FBXL17: variants seen among roughly 807,000 people sequenced by gnomAD.
FBXL17 encodes F-box/LRR-repeat protein 17.
In FBXL17, 22 loss-of-function variants were observed where a neutral mutation model predicts 66.2. The observed-to-expected ratio is 0.33, with a 90% confidence interval of 0.24 to 0.47. The LOEUF is 0.47. Among genes scored for constraint, FBXL17 ranks in the 20% least tolerant of loss-of-function variants. The probability of loss-of-function intolerance (pLI) is 1.00; values close to 1 mark genes in which losing one functional copy is unlikely to be tolerated. For missense variants in FBXL17, 878 were observed against 948.2 expected, an observed-to-expected ratio of 0.93 and a Z score of 0.97; for synonymous variants, 474 against 400.5, an observed-to-expected ratio of 1.18 and a Z score of -2.19.
chr5:108,292,648 A>T (rs990198406), intron 4 of FBXL17, among the ~76,000 whole-genome samples: 1 of 152,228 alleles, frequency 6.6e-6, no homozygotes, highest in Non-Finnish European at 1.5e-5. Context: ...AAGAAGACTT[A>T]AGCAATGCTC....
chr5:108,335,852 T>C (rs1248791085), intron 4 of FBXL17, among the ~76,000 whole-genome samples: 1 of 152,166 alleles, frequency 6.6e-6, no homozygotes, highest in Non-Finnish European at 1.5e-5. Flanking sequence ...TCTTATATAC[T>C]TGGACTAACT....
intron 6 of FBXL17, among the ~76,000 whole-genome samples, chr5:108,048,117 T>G (rs1429428722): frequency 1.3e-5 from 2 of 152,074 alleles, no homozygotes; most frequent in Non-Finnish European, 2.9e-5. Flanking sequence ...TGTTCTCCAG[T>G]CTCCTTGAGT....
chr5:107,932,640 T>C (rs1750771632), intron 7 of FBXL17, among the ~76,000 whole-genome samples: 1 of 152,286 alleles, frequency 6.6e-6, no homozygotes, highest in African/African-American at 2.4e-5. Context: ...TCCTTTAGCA[T>C]ACGGTGAAAA....
chr5:108,115,884 A>G (rs1330986867), intron 6 of FBXL17, among the ~76,000 whole-genome samples: 1 of 152,192 alleles, frequency 6.6e-6, no homozygotes, highest in Admixed American at 6.5e-5. Flanking sequence ...AAGCTGAGGC[A>G]GTCAAGGCTC....
chr5:108,251,044 C>T (rs1756327888), intron 4 of FBXL17, among the ~76,000 whole-genome samples: 1 of 151,958 alleles, frequency 6.6e-6, no homozygotes, highest in African/African-American at 2.4e-5. Context: ...AAAAATACTT[C>T]AACAAATATC....
At chr5:108,054,812 A>G (rs1747622124) in intron 6 of FBXL17, among the ~76,000 whole-genome samples, 1 of 152,154 alleles carries the variant, frequency 6.6e-6, no homozygotes, top group Non-Finnish European at 1.5e-5. Flanking sequence ...TATATGAAAC[A>G]AAAAGAAAAT....
At chr5:107,867,745 G>A (rs1211400246) in intron 8 of FBXL17, among the ~76,000 whole-genome samples, 1 of 152,206 alleles carries the variant, frequency 6.6e-6, no homozygotes, top group Non-Finnish European at 1.5e-5. Context: ...AAGTGGGAAT[G>A]TGAAGGTCTA....
intron 7 of FBXL17, among the ~76,000 whole-genome samples, chr5:107,907,890 T>C (rs1749818011): frequency 6.6e-6 from 1 of 152,140 alleles, no homozygotes; most frequent in African/African-American, 2.4e-5. Context: ...AGTGTGGTGA[T>C]TCCTCAGGGA....
chr5:108,314,716 T>C (rs1759278824), intron 4 of FBXL17, among the ~76,000 whole-genome samples: 1 of 151,562 alleles, frequency 6.6e-6, no homozygotes, highest in Admixed American at 6.6e-5. Context: ...TTATTTCATT[T>C]CATTATTTTA....
At chr5:108,113,595 C>G (rs567975971) in intron 6 of FBXL17, among the ~76,000 whole-genome samples, 1 of 152,166 alleles carries the variant, frequency 6.6e-6, no homozygotes, top group Admixed American at 6.5e-5. Flanking sequence ...CGATGGAGGA[C>G]AGCTACTGAA....
intron 4 of FBXL17, among the ~76,000 whole-genome samples, chr5:108,248,005 T>A (rs1014690577): frequency 1.3e-5 from 2 of 152,168 alleles, no homozygotes; most frequent in Non-Finnish European, 2.9e-5. Context: ...CATTGGTGTT[T>A]CCAGGTTATC....
chr5:108,181,531 A>C (rs1753003177), intron 6 of FBXL17, among the ~76,000 whole-genome samples: 1 of 152,206 alleles, frequency 6.6e-6, no homozygotes, highest in South Asian at 2.1e-4. Flanking sequence ...ACCATAAAGT[A>C]TAACAGTAAA....
At chr5:108,116,525 G>A (rs1461410536) in intron 6 of FBXL17, among the ~76,000 whole-genome samples, 3 of 151,484 alleles carry the variant, frequency 2.0e-5, no homozygotes, top group Non-Finnish European at 4.4e-5. Context: ...GCATGTGCCT[G>A]TAGTCCCAGC....
intron 5 of FBXL17, among the ~76,000 whole-genome samples, chr5:108,217,413 A>T (rs1754653525): frequency 6.6e-6 from 1 of 152,036 alleles, no homozygotes; most frequent in Admixed American, 6.6e-5. Context: ...TAGTTTTCTC[A>T]ACCCTCTGAG....
intron 4 of FBXL17, among the ~76,000 whole-genome samples, chr5:108,248,674 G>T (rs12654140): frequency 0.15 from 22,202 of 151,946 alleles, 1,659 homozygotes; most frequent in Admixed American, 0.17. Flanking sequence ...TCCTAAAAAC[G>T]AAAGGCGAAA....
intron 7 of FBXL17, among the ~76,000 whole-genome samples, chr5:107,914,338 T>C (rs1750055337): frequency 6.6e-6 from 1 of 152,204 alleles, no homozygotes; most frequent in Admixed American, 6.5e-5. Flanking sequence ...ACCCAAATTA[T>C]GAGTTCTCTC....
chr5:108,171,054 A>G (rs1752589522), intron 6 of FBXL17, among the ~76,000 whole-genome samples: 1 of 152,158 alleles, frequency 6.6e-6, no homozygotes, highest in Non-Finnish European at 1.5e-5. Flanking sequence ...ATATTTTAAA[A>G]TTTGTTTTCA....
intron 7 of FBXL17, among the ~76,000 whole-genome samples, chr5:107,987,227 T>C (rs527553696): frequency 4.0e-5 from 6 of 151,424 alleles, no homozygotes; most frequent in Non-Finnish European, 5.9e-5. Context: ...TATTTTCTAA[T>C]TGATATGCAA....
At chr5:107,993,015 C>T (rs976748978) in intron 7 of FBXL17, among the ~76,000 whole-genome samples, 3 of 152,088 alleles carry the variant, frequency 2.0e-5, no homozygotes, top group Non-Finnish European at 4.4e-5. Context: ...CCTGCCTTAG[C>T]CTCCCGAGTA....
Sources: gnomAD v4.1 joint callset for allele counts (sites outside exome capture counted in the v4.1 genomes callset) on GRCh38, gnomAD v4.1.1 for gene constraint, MANE v1.5 for transcripts, NCBI Gene and HGNC (gene_info 2026-07-23, HGNC 2026-07-21) for gene names.